KDM2B: variants seen among roughly 807,000 people sequenced by gnomAD.
KDM2B encodes the protein lysine demethylase 2B, also known as lysine-specific demethylase 2B.
Under a neutral mutation model 150.0 loss-of-function variants are expected in KDM2B, and 26 were observed. That is an observed-to-expected ratio of 0.17 (90% CI 0.13 to 0.24). The LOEUF is 0.24. Among genes scored for constraint, KDM2B ranks in the 10% least tolerant of loss-of-function variants. The pLI is 1.00. For missense variants in KDM2B, 1,265 were observed against 1,816.9 expected (o/e 0.70, Z 5.52); for synonymous variants, 734 against 729.5 (o/e 1.01, Z -0.10).
downstream of KDM2B, among the ~76,000 whole-genome samples, chr12:121,427,005 C>T (rs1047604110): frequency 6.6e-6 from 1 of 152,148 alleles, no homozygotes; most frequent in East Asian, 1.9e-4. Context: ...GTCTCTTTAT[C>T]CCATCTTCAC....
chr12:121,484,281 G>A (rs782357663), intron 12 of KDM2B, among the ~76,000 whole-genome samples: 1 of 152,150 alleles, frequency 6.6e-6, no homozygotes, highest in African/African-American at 2.4e-5. Context: ...TCCCTGGTGA[G>A]GAGGGAACTG....
At chr12:121,431,295 CTTTTTTTTTTT>C (rs71453557) in intron 22 of KDM2B, among the ~76,000 whole-genome samples, 2,619 of 99,048 alleles carry the variant, frequency 0.026, 107 homozygotes, top group African/African-American at 0.11. Context: ...CCATGTGCAA[CTTTTTTTTTTT>C]TTTTTTTTTT....
At chr12:121,473,942 C>T (rs1442370245) in intron 12 of KDM2B, among the ~76,000 whole-genome samples, 1 of 152,104 alleles carries the variant, frequency 6.6e-6, no homozygotes, top group Non-Finnish European at 1.5e-5. Context: ...GGGGAATGAG[C>T]CTGGAGAGCA....
At chr12:121,495,632 C>T (rs112243273) in intron 11 of KDM2B, among the ~76,000 whole-genome samples, 2,469 of 152,202 alleles carry the variant, frequency 0.016, 74 homozygotes, top group African/African-American at 0.057. Flanking sequence ...GAGGGCTGGG[C>T]GGTGGCACTA....
At chr12:121,534,361 AAAG>A in intron 7 of KDM2B, 133 bp downstream of exon 7, 1 of 648,844 alleles carries the variant, frequency 1.5e-6, no homozygotes, top group South Asian at 1.9e-5. Context: ...AAAAAAAAAA[AAAG>A]AGTAATCCTT....
chr12:121,482,924 G>A (rs1306065852), intron 12 of KDM2B, among the ~76,000 whole-genome samples: 1 of 152,076 alleles, frequency 6.6e-6, no homozygotes, highest in African/African-American at 2.4e-5. Context: ...CCAGCACTTT[G>A]GGAGGCCAAG....
chr12:121,442,186 G>A lies in KDM2B; in HGVS notation c.3255C>T (p.Cys1085=). 6.2e-7 allele frequency: 1 copy of A among 1,613,638 alleles called. No individual in the cohort carries two copies. Among genetic ancestry groups the A allele is most frequent in the Admixed American group, 1.7e-5 (1 of 60,028 alleles). ...GGTTCCAGGTCCTGCAGACCCGCAT[G>A]CACACACACAGGTCTTGGTGGCTGA... is the stretch of plus-strand genomic sequence containing the variant. ...SYLSHQDLCV[C]MRVCRTWNRW... Residue 1085 remains cysteine, a synonymous_variant, in exon 19 of 23, where the codon TGC becomes TGT. Transcript: ENST00000377071. This position sits in a 1 kb window ranked among gnomAD's most constrained non-coding sequence, Gnocchi z 7.7.
In KDM2B at chr12:121,532,827, A is replaced by G; in HGVS notation, c.910T>C (p.Tyr304His). Residue 304 changes from tyrosine (Y) to histidine (H), a missense_variant, in exon 8 of 23, where the codon TAC becomes CAC. Transcript: ENST00000377071. ...CTACCGGAAGGGATGAAAAATGTGT[A>G]GCCCTGCTTCAGCTCAATTCTTTGG... ...RCQRIELKQG[Y>H]TFFIPSGWIH... 1.2e-6 allele frequency: 2 copies of G among 1,614,230 alleles called. No individual in the cohort carries two copies. Among genetic ancestry groups the G allele is most frequent in the Non-Finnish European group, 8.5e-7 (1 of 1,180,036 alleles).
chr12:121,470,127 T>G (rs989570704), intron 12 of KDM2B: 1 of 146,820 alleles, frequency 6.8e-6, no homozygotes, highest in Non-Finnish European at 1.5e-5. Context: ...GAGAGAGAGA[T>G]GTCTGTAAGC....
intron 11 of KDM2B, 60 bp from the exon 12 acceptor site, chr12:121,494,725 C>A: frequency 1.5e-6 from 2 of 1,316,144 alleles, no homozygotes; most frequent in Admixed American, 2.1e-5. Flanking sequence ...CTGAAGACAG[C>A]TGAACAGCAG....
chr12:121,461,752 T>TACA (rs1281525745), intron 12 of KDM2B, among the ~76,000 whole-genome samples: 2 of 152,004 alleles, frequency 1.3e-5, no homozygotes, highest in Non-Finnish European at 2.9e-5. Context: ...AGAGCTAAGG[T>TACA]ACACACCTGG....
chr12:121,415,045 G>A, the KDM2B span, among the ~76,000 whole-genome samples: 5 of 152,062 alleles, frequency 3.3e-5, no homozygotes, highest in African/African-American at 9.7e-5. Context: ...GCAGTGAGCC[G>A]AGATCACGCC....
At chr12:121,484,845 T>TA (rs1159537053) in intron 12 of KDM2B, among the ~76,000 whole-genome samples, 1 of 151,712 alleles carries the variant, frequency 6.6e-6, no homozygotes, top group African/African-American at 2.4e-5. Context: ...CTTTAAAAAA[T>TA]AAAAATAAAT....
intron 11 of KDM2B, among the ~76,000 whole-genome samples, chr12:121,503,821 A>G (rs541311113): frequency 6.6e-6 from 1 of 152,334 alleles, no homozygotes; most frequent in South Asian, 2.1e-4. Context: ...CATAGTGAGG[A>G]CACTGCAGTT....
At chr12:121,458,313 T>C (rs1878578671) in intron 12 of KDM2B, among the ~76,000 whole-genome samples, 1 of 151,864 alleles carries the variant, frequency 6.6e-6, no homozygotes, top group Non-Finnish European at 1.5e-5. Flanking sequence ...GAAGCAGAGG[T>C]TGCACTGAGC....
chr12:121,546,948 T>C (rs137963670), intron 6 of KDM2B, among the ~76,000 whole-genome samples: 3 of 149,854 alleles, frequency 2.0e-5, no homozygotes, highest in East Asian at 4.0e-4. Flanking sequence ...TGCCCCCTCT[T>C]GGCCTCGCAA....
chr12:121,478,036 A>G (rs1346489276), intron 12 of KDM2B, among the ~76,000 whole-genome samples: 3 of 151,442 alleles, frequency 2.0e-5, no homozygotes, highest in African/African-American at 7.3e-5. Context: ...AGCCACCTCA[A>G]CTGGCCTTAA....
chr12:121,477,112 A>T (rs1225999076), intron 12 of KDM2B, among the ~76,000 whole-genome samples: 3 of 152,148 alleles, frequency 2.0e-5, no homozygotes, highest in Non-Finnish European at 4.4e-5. Context: ...TCACTCTGTC[A>T]CCCAGGCTGG....
chr12:121,481,809 G>C (rs1267715557), intron 12 of KDM2B, among the ~76,000 whole-genome samples: 3 of 151,354 alleles, frequency 2.0e-5, no homozygotes, highest in African/African-American at 4.9e-5. Context: ...ACAGAGTTTT[G>C]CTCTTGTTGC....
Sources: gnomAD v4.1 joint callset for allele counts (sites outside exome capture counted in the v4.1 genomes callset) on GRCh38, gnomAD v4.1.1 for gene constraint, Gnocchi (gnomAD v3.1) non-coding constraint, MANE v1.5 for transcripts, NCBI Gene and HGNC (gene_info 2026-07-23, HGNC 2026-07-21) for gene names.